The following CSNK1E variants were observed in gnomAD, a reference collection of about 807,000 sequenced individuals.
CSNK1E encodes the protein casein kinase I isoform epsilon.
A neutral mutation model predicts 46.1 loss-of-function variants in CSNK1E; 17 were observed. The ratio of observed to expected loss-of-function variants is 0.37; its 90% CI spans 0.25 to 0.55. The LOEUF (loss-of-function observed/expected upper bound fraction) is 0.55, where lower values mean the gene tolerates loss of function less well. Ranked by LOEUF, CSNK1E falls within the 20% of genes least tolerant of loss-of-function variation. CSNK1E has a pLI of 0.82. For synonymous variants in CSNK1E, 241 were observed against 242.6 expected (o/e 0.99, Z 0.06); for missense variants, 386 against 595.4 (o/e 0.65, Z 3.66).
chr22:38,316,086 G>C (rs1431339286), intron 1 of CSNK1E, among the ~76,000 whole-genome samples: 2 of 151,348 alleles, frequency 1.3e-5, no homozygotes, highest in Admixed American at 6.6e-5. Context: ...CAGTTCTTTT[G>C]CTGCTTCTCC....
At chr22:38,317,741 T>C (rs1466329165), upstream of CSNK1E, among the ~76,000 whole-genome samples, 1 of 151,992 alleles carries the variant, frequency 6.6e-6, no homozygotes, top group Non-Finnish European at 1.5e-5. Context: ...GGGGAGGGTC[T>C]AGACCCAAAG....
At chr22:38,306,582 T>C (rs2145843964) in intron 2 of CSNK1E, among the ~76,000 whole-genome samples, 1 of 152,084 alleles carries the variant, frequency 6.6e-6, no homozygotes, top group Non-Finnish European at 1.5e-5. Flanking sequence ...AGTACAAAAA[T>C]TAGCTGGGCG....
At chr22:38,304,189 C>T (rs1460624015) in intron 2 of CSNK1E, among the ~76,000 whole-genome samples, 1 of 152,132 alleles carries the variant, frequency 6.6e-6, no homozygotes, top group Non-Finnish European at 1.5e-5. Context: ...AGTGTCGCAA[C>T]AGGACACAAA....
chr22:38,314,164 C>G lies in CSNK1E; in HGVS notation c.-7G>C. On this transcript the variant is annotated 5_prime_UTR_variant, in exon 2 of 11. Coordinates refer to ENST00000396832, the MANE Select transcript of CSNK1E (RefSeq NM_152221.3). ...TCCCCACACGTAGCTCCATGGCTCA[C>G]TCTTGCTGCAGAGGAAGCAGGAACA... 6.2e-7 allele frequency: 1 copy of G among 1,613,942 alleles called. No homozygotes were observed. Among genetic ancestry groups the G allele is most frequent in the Non-Finnish European group, 8.5e-7 (1 of 1,179,848 alleles).
Position 38,303,771 on chromosome 22 carries a change from A to G in CSNK1E, c.77-523T>C, listed in dbSNP as rs940139888. ...GAGGCAGCCCTGCACATTCTAATCC[A>G]GTGTCTCATTCGATTCTCAACCCCC... On this transcript the variant is annotated intron_variant, in intron 2 of 10. Transcript: ENST00000396832. The surrounding 1 kb of genome is among the most constrained non-coding windows in gnomAD (Gnocchi z 4.7). 2.6e-5 allele frequency among the ~76,000 whole-genome samples: 4 copies of G among 152,174 alleles called. No individual in the cohort carries two copies. The highest frequency in any genetic ancestry group is 2.1e-4 in the South Asian group (1 of 4,830).
chr22:38,308,380 G>A (rs1019975868), intron 2 of CSNK1E, among the ~76,000 whole-genome samples: 2 of 152,148 alleles, frequency 1.3e-5, no homozygotes, highest in African/African-American at 4.8e-5. Flanking sequence ...GATCCTTAGA[G>A]TCCCCTGGCC....
upstream of CSNK1E, chr22:38,317,459 A>G (rs2092754719): frequency 1.0e-5 from 1 of 98,258 alleles, no homozygotes; most frequent in Non-Finnish European, 1.9e-5. Flanking sequence ...GCCGGCTCCC[A>G]TTGAGCCCCG....
rs993575301 is a variant in CSNK1E, at chr22:38,300,549, C to A, written c.565+175G>T. Among the ~76,000 whole-genome samples the A allele has an allele frequency of 6.6e-6, 1 of 152,204 alleles. No homozygotes were observed. Among genetic ancestry groups the A allele is most frequent in the Admixed American group, 6.5e-5 (1 of 15,288 alleles). On this transcript the variant is annotated intron_variant, in intron 5 of 10. Transcript: ENST00000396832. The surrounding 1 kb of genome is among the most constrained non-coding windows in gnomAD (Gnocchi z 4.4). ...ACAGCTTGGCTTACGAAGGGGAAGACCCGACTGTGCAAGGACACGGAATAA... is the reference window on the plus strand; with the variant it reads ...ACAGCTTGGCTTACGAAGGGGAAGAACCGACTGTGCAAGGACACGGAATAA...
rs2092664875 is a variant in CSNK1E at position 38,300,428 on chromosome 22, C to T, written c.565+296G>A. Among the ~76,000 whole-genome samples the T allele has an allele frequency of 6.6e-6, 1 of 152,208 alleles. No homozygotes were observed. The highest frequency in any genetic ancestry group is 6.5e-5 in the Admixed American group (1 of 15,286). On this transcript the variant is annotated intron_variant, in intron 5 of 10. Transcript: ENST00000396832. The surrounding 1 kb of genome is among the most constrained non-coding windows in gnomAD (Gnocchi z 4.4). ...TTTGGCATTAGCTAAGCTGCATGAC[C>T]TTAAGCAACCCATGTTAAACCTCTG...
chr22:38,314,035 C>T, intron 2 of CSNK1E, 47 bp downstream of exon 2: 1 of 1,537,434 alleles, frequency 6.5e-7, no homozygotes, highest in Non-Finnish European at 9.0e-7. Context: ...TCCTCTTGGT[C>T]CCATGGGCTG....
In CSNK1E at chr22:38,303,618, T is replaced by G. The variant is rs1476786588; in HGVS notation, c.77-370A>C. 6.6e-6 allele frequency among the ~76,000 whole-genome samples: 1 copy of G among 152,080 alleles called. No homozygotes were observed. Among genetic ancestry groups the G allele is most frequent in the Non-Finnish European group, 1.5e-5 (1 of 67,998 alleles). On this transcript the variant is annotated intron_variant, in intron 2 of 10. Coordinates refer to ENST00000396832, the MANE Select transcript of CSNK1E (RefSeq NM_152221.3). This position sits in a 1 kb window ranked among gnomAD's most constrained non-coding sequence, Gnocchi z 4.7. ...AGTGAGGTCTGTCGGGTTGAGATGG[T>G]GGCACGTGCAGAAGAGGCCCAATGG...
chr22:38,297,186 G>T (rs770548553), intron 7 of CSNK1E: 2 of 776,350 alleles, frequency 2.6e-6, no homozygotes, highest in Non-Finnish European at 4.8e-6. Flanking sequence ...TCTTGCAGTT[G>T]TGCTGAGCTG....
Position 38,303,473 on chromosome 22 carries a change from T to C in CSNK1E, c.77-225A>G, listed in dbSNP as rs567806038. Among the ~76,000 whole-genome samples, 1 of 152,256 alleles carries C rather than the reference T, an allele frequency of 6.6e-6. No individual in the cohort carries two copies. The highest frequency in any genetic ancestry group is 1.9e-4 in the East Asian group (1 of 5,180). Reference sequence around the variant, plus strand: ...AGGGACAGAGGTGACACACAAGGGCTACCCAGGGCCACAGGTTGGGGCGAC... The same window carrying C: ...AGGGACAGAGGTGACACACAAGGGCCACCCAGGGCCACAGGTTGGGGCGAC... On this transcript the variant is annotated intron_variant, in intron 2 of 10. Transcript: ENST00000396832. The surrounding 1 kb of genome is among the most constrained non-coding windows in gnomAD (Gnocchi z 4.7).
chr22:38,314,059 C>T (rs768411971), intron 2 of CSNK1E, 23 bp downstream of exon 2: 1 of 1,610,292 alleles, frequency 6.2e-7, no homozygotes, highest in East Asian at 2.2e-5. Flanking sequence ...CCAGGGGCTC[C>T]AGCTGGAGCT....
chr22:38,295,375 C>G, intron 7 of CSNK1E: 3 of 981,772 alleles, frequency 3.1e-6, no homozygotes, highest in Non-Finnish European at 3.6e-6. Context: ...GGGCAGCGCC[C>G]GACTGCGTTA....
upstream of CSNK1E, chr22:38,317,872 C>T (rs193071335): frequency 3.9e-5 from 6 of 152,398 alleles, no homozygotes; most frequent in African/African-American, 1.2e-4. Flanking sequence ...CTCAGTCCGC[C>T]TCCAGGTTCC....
intron 2 of CSNK1E, 50 bp downstream of exon 2, chr22:38,314,032 G>C: frequency 1.3e-6 from 2 of 1,513,656 alleles, no homozygotes; most frequent in Non-Finnish European, 1.8e-6. Context: ...TCCTCCTCTT[G>C]GTCCCATGGG....
Position 38,302,910 on chromosome 22 carries a change from C to G in CSNK1E, c.287G>C (p.Cys96Ser). The stretch of plus-strand genomic sequence containing the variant: ...CGTCTTGAGGCTGAATTTGCGGGAA[C>G]AGAAGTTGAACAGGTCCTCGAGGCT... ...GPSLEDLFNF[C>S]SRKFSLKTVL... Residue 96 changes from cysteine (C) to serine (S), a missense_variant, in exon 4 of 11, where the codon TGT (cysteine) becomes TCT (serine). Cys to Ser is a moderately radical substitution (Grantham distance 112). Transcript: ENST00000396832. 1 of 1,614,148 alleles carries G rather than the reference C, an allele frequency of 6.2e-7. No homozygotes were observed. Among genetic ancestry groups the G allele is most frequent in the Non-Finnish European group, 8.5e-7 (1 of 1,180,022 alleles).
At chr22:38,293,011 A>G (rs1602537871) in intron 10 of CSNK1E, 2 of 544,444 alleles carry the variant, frequency 3.7e-6, no homozygotes, top group East Asian at 6.7e-5. Context: ...CGAGGGCAGA[A>G]AAAGTTTTTC....
Sources: allele counts gnomAD v4.1 joint callset (sites outside exome capture counted in the v4.1 genomes callset), GRCh38; gene constraint gnomAD v4.1.1; non-coding constraint Gnocchi (gnomAD v3.1); transcripts MANE v1.5; gene names NCBI Gene and HGNC (gene_info 2026-07-23, HGNC 2026-07-21).